Variants in CCDC148 observed in about 807,000 individuals in gnomAD.
CCDC148 encodes coiled-coil domain containing 148, also known as coiled-coil domain-containing protein 148.
In CCDC148, 89 loss-of-function variants were observed where a neutral mutation model predicts 85.7. The observed-to-expected ratio is 1.04, with a 90% CI of 0.87 to 1.24. CCDC148 has a LOEUF of 1.24. Ranked by LOEUF, CCDC148 falls within the 50% of genes most tolerant of loss-of-function variation. CCDC148 has a pLI of 0.00. For missense variants in CCDC148, 692 were observed against 671.7 expected (o/e 1.03, Z -0.33); for synonymous variants, 230 against 213.9 (o/e 1.08, Z -0.66).
chr2:158,450,445 G>A (rs1443672826), intron 1 of CCDC148, among the ~76,000 whole-genome samples: 2 of 152,176 alleles, frequency 1.3e-5, no homozygotes, highest in Non-Finnish European at 2.9e-5. Flanking sequence ...GCATCTGTCT[G>A]ACAACCTTCT....
intron 1 of CCDC148, among the ~76,000 whole-genome samples, chr2:158,366,381 C>A (rs1272282739): frequency 6.6e-6 from 1 of 151,974 alleles, no homozygotes; most frequent in East Asian, 1.9e-4. Flanking sequence ...TTTTGTGTTC[C>A]TGGGAGGAAA....
chr2:158,344,907 A>G (rs1682916935), intron 3 of CCDC148, among the ~76,000 whole-genome samples: 1 of 152,102 alleles, frequency 6.6e-6, no homozygotes, highest in Admixed American at 6.5e-5. Flanking sequence ...TGTATCCAAA[A>G]CATTATAATC....
chr2:158,342,068 C>T (rs10187964), intron 3 of CCDC148, among the ~76,000 whole-genome samples: 21,274 of 122,002 alleles, frequency 0.17, 2,920 homozygotes, highest in African/African-American at 0.39. Context: ...CTTGCTGGGT[C>T]GCCCGGGCTG....
chr2:158,324,395 G>A (rs180914697), intron 7 of CCDC148, among the ~76,000 whole-genome samples: 1 of 152,196 alleles, frequency 6.6e-6, no homozygotes, highest in Admixed American at 6.5e-5. Context: ...TGTGTCATTA[G>A]AAATATCCTT....
intron 11 of CCDC148, among the ~76,000 whole-genome samples, chr2:158,188,386 T>C (rs1279354113): frequency 6.6e-6 from 1 of 152,036 alleles, no homozygotes; most frequent in Admixed American, 6.6e-5. Flanking sequence ...TAAACCACTT[T>C]ATATAATCTA....
chr2:158,260,809 G>T (rs1179091429), intron 9 of CCDC148, among the ~76,000 whole-genome samples: 1 of 151,816 alleles, frequency 6.6e-6, no homozygotes, highest in East Asian at 1.9e-4. Flanking sequence ...AGCTAACCAG[G>T]GAAGTGAAAG....
In CCDC148 at chr2:158,381,101, A is replaced by C. The variant is rs1404592157; in HGVS notation, c.26-22531T>G. On this transcript the variant is annotated intron_variant, in intron 1 of 13. Transcript: ENST00000283233. ...AAAATGTTCATCTTAAATGGAAAAC[A>C]TAATAAGTTGGGAAATACTAAAATT... The C allele has an allele frequency of 2.6e-5, 4 of 152,208 alleles. No homozygotes were observed. In the East Asian group the frequency reaches 5.8e-4, roughly 22 times the overall value. 9.4% of individuals were successfully genotyped at this position (152,208 alleles called of 1,614,324 possible).
chr2:158,425,224 C>T (rs1687020524), intron 1 of CCDC148: 1 of 536,786 alleles, frequency 1.9e-6, no homozygotes, highest in Middle Eastern at 3.8e-4. Flanking sequence ...CAGGTGTATG[C>T]AGACTATAGT....
intron 1 of CCDC148, among the ~76,000 whole-genome samples, chr2:158,391,945 A>T (rs1685326680): frequency 6.6e-6 from 1 of 152,108 alleles, no homozygotes; most frequent in South Asian, 2.1e-4. Context: ...TTTTAGGGTG[A>T]AATCAAAAGG....
At chr2:158,254,579 T>A (rs1559021021) in intron 9 of CCDC148, among the ~76,000 whole-genome samples, 1 of 151,554 alleles carries the variant, frequency 6.6e-6, no homozygotes, top group Admixed American at 6.6e-5. Flanking sequence ...TGCAAAGAGA[T>A]TTATATAATC....
chr2:158,212,074 TAA>T (rs1686608618), intron 11 of CCDC148, among the ~76,000 whole-genome samples: 1 of 152,198 alleles, frequency 6.6e-6, no homozygotes. Context: ...TTCCATGTCT[TAA>T]GTTACTGCTA....
chr2:158,172,314 T>C (rs1574330011), intron 13 of CCDC148, 55 bp from the exon 14 acceptor site: 2 of 1,332,448 alleles, frequency 1.5e-6, no homozygotes, highest in Non-Finnish European at 2.1e-6. Context: ...AAATAACTTT[T>C]AACATTTAGT....
At chr2:158,413,989 C>T (rs1171391226) in intron 1 of CCDC148, among the ~76,000 whole-genome samples, 1 of 151,972 alleles carries the variant, frequency 6.6e-6, no homozygotes. Flanking sequence ...TGAGATAAAT[C>T]AAGGAAGTTG....
At chr2:158,262,029 T>G (rs1204180064) in intron 9 of CCDC148, among the ~76,000 whole-genome samples, 1 of 151,924 alleles carries the variant, frequency 6.6e-6, no homozygotes, top group Non-Finnish European at 1.5e-5. Context: ...TAGAGGAATA[T>G]AAATCATTCC....
At chr2:158,343,025 T>C (rs889620673) in intron 3 of CCDC148, among the ~76,000 whole-genome samples, 2 of 152,226 alleles carry the variant, frequency 1.3e-5, no homozygotes, top group African/African-American at 4.8e-5. Context: ...TTGCTGTTTT[T>C]AGACATGGGG....
At chr2:158,224,101 A>G (rs1687354183) in intron 10 of CCDC148, among the ~76,000 whole-genome samples, 1 of 152,224 alleles carries the variant, frequency 6.6e-6, no homozygotes. Flanking sequence ...TAACTAGAAT[A>G]ACCAATGCAG....
intron 11 of CCDC148, among the ~76,000 whole-genome samples, chr2:158,211,956 C>T (rs1476283150): frequency 6.6e-6 from 1 of 152,138 alleles, no homozygotes; most frequent in African/African-American, 2.4e-5. Context: ...GTATCCATGT[C>T]CCAATGTATG....
intron 3 of CCDC148, among the ~76,000 whole-genome samples, chr2:158,343,206 A>C (rs1294676989): frequency 6.6e-6 from 1 of 152,176 alleles, no homozygotes; most frequent in Non-Finnish European, 1.5e-5. Flanking sequence ...TATTTTTGCC[A>C]GCAAGGCTAG....
At chr2:158,311,631 C>T (rs79671796) in intron 8 of CCDC148, among the ~76,000 whole-genome samples, 23,036 of 152,122 alleles carry the variant, frequency 0.15, 2,226 homozygotes, top group Non-Finnish European at 0.21. Flanking sequence ...TTTTTAAATA[C>T]GCCATCTTTA....
Sources: allele counts gnomAD v4.1 joint callset (sites outside exome capture counted in the v4.1 genomes callset), GRCh38; gene constraint gnomAD v4.1.1; transcripts MANE v1.5; gene names NCBI Gene and HGNC (gene_info 2026-07-23, HGNC 2026-07-21).